Variants in HTR4 observed in about 807,000 individuals in gnomAD.
The protein encoded by HTR4 is 5-hydroxytryptamine (serotonin) receptor 4, G protein-coupled.
Under a neutral mutation model 36.8 loss-of-function variants are expected in HTR4, and 16 were observed. That is an observed-to-expected ratio of 0.43 (90% CI 0.29 to 0.66). The LOEUF is 0.66. HTR4 is among the 30% of genes least tolerant of loss of function. The pLI is 0.13. For synonymous variants in HTR4, 189 were observed against 185.1 expected, an observed-to-expected ratio of 1.02 and a Z score of -0.17; for missense variants, 438 against 490.9, an observed-to-expected ratio of 0.89 and a Z score of 1.02.
At chr5:148,551,257 T>C (rs1433662543) in intron 2 of HTR4, among the ~76,000 whole-genome samples, 1 of 152,216 alleles carries the variant, frequency 6.6e-6, no homozygotes, top group East Asian at 1.9e-4. Context: ...AGAGAAAAGA[T>C]TGTGGTGTGA....
At chr5:148,616,424 C>G (rs1310727696) in intron 2 of HTR4, among the ~76,000 whole-genome samples, 1 of 152,132 alleles carries the variant, frequency 6.6e-6, no homozygotes, top group Non-Finnish European at 1.5e-5. Context: ...TCCTAATAGG[C>G]ATGCTTTTTC....
intron 4 of HTR4, 49 bp downstream of exon 4, chr5:148,548,619 G>T: frequency 7.0e-7 from 1 of 1,427,146 alleles, no homozygotes; most frequent in Non-Finnish European, 9.7e-7. Flanking sequence ...TATCCATCAA[G>T]TCATGTCTCC....
downstream of HTR4, among the ~76,000 whole-genome samples, chr5:148,480,751 TTC>T (rs1207086533): frequency 1.3e-5 from 2 of 152,246 alleles, no homozygotes; most frequent in African/African-American, 4.8e-5. Flanking sequence ...GGGCATTTCT[TTC>T]TCTGTTTCTT....
intron 2 of HTR4, among the ~76,000 whole-genome samples, chr5:148,579,810 G>T (rs1377186603): frequency 6.6e-6 from 1 of 151,994 alleles, no homozygotes; most frequent in Non-Finnish European, 1.5e-5. Flanking sequence ...GCCAGCAAGA[G>T]ATTTTTCCCA....
At chr5:148,454,454 T>C (rs1277657204) in intron 5 of HTR4, among the ~76,000 whole-genome samples, 2 of 152,198 alleles carry the variant, frequency 1.3e-5, no homozygotes, top group South Asian at 2.1e-4. Context: ...CTCCTCTGCA[T>C]TGAATGAAGA....
intron 6 of HTR4, among the ~76,000 whole-genome samples, chr5:148,486,504 G>A (rs1581366087): frequency 2.6e-5 from 4 of 152,136 alleles, no homozygotes; most frequent in Admixed American, 2.0e-4. Flanking sequence ...GGATGACTTT[G>A]TCCCTTTCCT....
intron 2 of HTR4, among the ~76,000 whole-genome samples, chr5:148,588,159 C>T (rs1248478207): frequency 6.6e-6 from 1 of 152,210 alleles, no homozygotes; most frequent in African/African-American, 2.4e-5. Flanking sequence ...CCCTGCTGAA[C>T]CATCAGTCAG....
intron 1 of HTR4, among the ~76,000 whole-genome samples, chr5:148,638,458 A>G (rs1459347832): frequency 1.3e-5 from 2 of 152,192 alleles, no homozygotes; most frequent in African/African-American, 2.4e-5. Flanking sequence ...AGAGGATCAC[A>G]TCCATCTGGT....
chr5:148,475,662 A>G (rs1755677885), downstream of HTR4, among the ~76,000 whole-genome samples: 3 of 152,152 alleles, frequency 2.0e-5, no homozygotes, highest in Admixed American at 2.0e-4. Context: ...ACTGCCTGCC[A>G]CTTCCACCAC....
chr5:148,538,956 A>T (rs1758969285), intron 4 of HTR4, among the ~76,000 whole-genome samples: 1 of 152,180 alleles, frequency 6.6e-6, no homozygotes, highest in Non-Finnish European at 1.5e-5. Flanking sequence ...TGGAGGCGTC[A>T]CCTCACCTGA....
intron 2 of HTR4, among the ~76,000 whole-genome samples, chr5:148,555,611 C>A (rs1226907424): frequency 2.0e-5 from 3 of 152,204 alleles, no homozygotes; most frequent in African/African-American, 7.2e-5. Flanking sequence ...ATCCTGTCAA[C>A]CACAACTGGA....
intron 2 of HTR4, among the ~76,000 whole-genome samples, chr5:148,607,680 C>T (rs1265642815): frequency 1.3e-5 from 2 of 152,106 alleles, no homozygotes; most frequent in Non-Finnish European, 2.9e-5. Context: ...ATTAGTTCAT[C>T]ACAGGAAACA....
In HTR4 at chr5:148,544,296, TCCAC is replaced by T. The variant is rs145314134; in HGVS notation, c.353+4368_353+4371del. The stretch of plus-strand genomic sequence containing the variant: ...CTCTCTTTCTCTCTTTCTCTCTCTC[TCCAC>T]CTCTCTTTCTCTCTCTCTCCACCTC... On this transcript the variant is annotated intron_variant, in intron 4 of 6. Transcript: ENST00000377888. Among the ~76,000 whole-genome samples, 3 of 39,632 alleles carry T rather than the reference TCCAC, an allele frequency of 7.6e-5. No individual in the cohort carries two copies. In the African/African-American group the frequency reaches 1.3e-3, roughly 17 times the overall value. The allele number at this position is 39,632 out of a possible 152,430, so 26.0% of individuals were successfully genotyped here.
chr5:148,523,409 G>A (rs2277050), intron 4 of HTR4, 63 bp from the exon 5 acceptor site: 436,342 of 1,371,236 alleles, frequency 0.32, 72,388 homozygotes, highest in Non-Finnish European at 0.35. Context: ...GGAGAGAAAA[G>A]AGAATATATG....
At chr5:148,463,165 C>CTTTTTTTTTTTTTTTTTTTTTT (rs71001490) in intron 5 of HTR4, among the ~76,000 whole-genome samples, 52 of 64,156 alleles carry the variant, frequency 8.1e-4, no homozygotes, top group East Asian at 1.1e-3. Context: ...CTTTTTTTTT[C>CTTTTTTTTTTTTTTTTTTTTTT]TTTTTTTTTT....
chr5:148,615,327 A>G (rs1004512678), intron 2 of HTR4, among the ~76,000 whole-genome samples: 8 of 152,018 alleles, frequency 5.3e-5, no homozygotes, highest in Admixed American at 4.6e-4. Flanking sequence ...TGGCACATAT[A>G]CACCATGGAA....
In HTR4 at chr5:148,654,294, G is replaced by T; in HGVS notation, c.-280C>A. The T allele has an allele frequency of 5.1e-6, 5 of 984,624 alleles. No individual in the cohort carries two copies. Among genetic ancestry groups the T allele is most frequent in the Non-Finnish European group, 6.0e-6 (5 of 829,308 alleles). 61.0% of individuals were successfully genotyped at this position (984,624 alleles called of 1,614,324 possible). On this transcript the variant is annotated 5_prime_UTR_variant, in exon 1 of 7. Coordinates refer to ENST00000377888, the MANE Select transcript of HTR4 (RefSeq NM_000870.7). ...CCCCAGCCCCGGATCACCTGGGCTC[G>T]CCGCGCATCGTCCTTCTCCCCAACC...
intron 2 of HTR4, among the ~76,000 whole-genome samples, chr5:148,552,950 G>C (rs1041925485): frequency 1.3e-5 from 2 of 152,170 alleles, no homozygotes; most frequent in Non-Finnish European, 2.9e-5. Context: ...TTGAAGCCTG[G>C]TTGAAAGTAT....
At chr5:148,562,944 GGCATCCCT>G (rs1760279421) in intron 2 of HTR4, among the ~76,000 whole-genome samples, 1 of 152,062 alleles carries the variant, frequency 6.6e-6, no homozygotes, top group South Asian at 2.1e-4. Context: ...CCTCTCAACT[GGCATCCCT>G]GCTTCCATCA....
Sources: allele counts gnomAD v4.1 joint callset (sites outside exome capture counted in the v4.1 genomes callset), GRCh38; gene constraint gnomAD v4.1.1; transcripts MANE v1.5; gene names NCBI Gene and HGNC (gene_info 2026-07-23, HGNC 2026-07-21).